The following MCF2L variants were observed in gnomAD, a reference collection of about 807,000 sequenced individuals.
The protein encoded by MCF2L is MCF.2 cell line derived transforming sequence like.
In MCF2L, 97 loss-of-function variants were observed where a neutral mutation model predicts 153.4. The ratio of observed to expected loss-of-function variants is 0.63; its 90% CI spans 0.54 to 0.75. MCF2L has a LOEUF of 0.75. MCF2L is among the 30% of genes least tolerant of loss of function. The probability of loss-of-function intolerance (pLI) is 0.00; values close to 1 mark genes in which losing one functional copy is unlikely to be tolerated. For synonymous variants in MCF2L, 659 were observed against 632.2 expected, an observed-to-expected ratio of 1.04 and a Z score of -0.64; for missense variants, 1,347 against 1,495.2, an observed-to-expected ratio of 0.90 and a Z score of 1.64.
At chr13:112,938,913 C>G (rs1054987479) in intron 2 of MCF2L, among the ~76,000 whole-genome samples, 10 of 152,106 alleles carry the variant, frequency 6.6e-5, no homozygotes, top group Non-Finnish European at 1.5e-4. Context: ...TGCCTTGCCA[C>G]GCGGGGGCCA....
chr13:112,968,506 C>T (rs2081936567), upstream of MCF2L: 5 of 1,581,082 alleles, frequency 3.2e-6, no homozygotes, highest in Non-Finnish European at 4.3e-6. Context: ...CGCGCGCTTC[C>T]CTCACTGGGT....
chr13:113,019,653 A>G (rs1418473417), intron 2 of MCF2L, among the ~76,000 whole-genome samples: 2 of 152,190 alleles, frequency 1.3e-5, no homozygotes, highest in African/African-American at 4.8e-5. Flanking sequence ...ACCAGTTGCT[A>G]TAGGATAAAT....
At chr13:112,980,828 GC>G (rs1171482137) in intron 1 of MCF2L, among the ~76,000 whole-genome samples, 1 of 152,212 alleles carries the variant, frequency 6.6e-6, no homozygotes, top group Non-Finnish European at 1.5e-5. Flanking sequence ...TGTGAGGGAG[GC>G]AGCCAGGGGC....
At chr13:113,021,488 C>T (rs9577198) in intron 2 of MCF2L, among the ~76,000 whole-genome samples, 27,683 of 152,078 alleles carry the variant, frequency 0.18, 2,693 homozygotes, top group East Asian at 0.29. Context: ...GGTTTTTGGA[C>T]GTGGGTGGGG....
chr13:113,051,245 C>CG (rs2087296918), intron 4 of MCF2L, among the ~76,000 whole-genome samples: 1 of 152,078 alleles, frequency 6.6e-6, no homozygotes, highest in Non-Finnish European at 1.5e-5. Context: ...AGCTGGGCTT[C>CG]GGGGCGACGA....
intron 2 of MCF2L, among the ~76,000 whole-genome samples, chr13:112,963,509 G>C (rs76720721): frequency 0.021 from 3,211 of 152,244 alleles, 111 homozygotes; most frequent in African/African-American, 0.072. Flanking sequence ...CTGTCAGCAA[G>C]GGCCCTCAGG....
chr13:112,970,657 C>G (rs1223570615), intron 1 of MCF2L, among the ~76,000 whole-genome samples: 1 of 152,076 alleles, frequency 6.6e-6, no homozygotes, highest in Non-Finnish European at 1.5e-5. Context: ...GCCCCCCTTG[C>G]TCTGCATGCC....
At chr13:112,976,560 C>T (rs936846176) in intron 1 of MCF2L, among the ~76,000 whole-genome samples, 3 of 152,170 alleles carry the variant, frequency 2.0e-5, no homozygotes, top group Admixed American at 6.5e-5. Context: ...AAGGCTGTGG[C>T]GGACGGCAGT....
At chr13:113,014,649 C>T (rs1261559523) in intron 1 of MCF2L, 114 bp from the exon 2 acceptor site, 29 of 768,048 alleles carry the variant, frequency 3.8e-5, no homozygotes, top group Non-Finnish European at 4.8e-5. Context: ...AGCCACGTGA[C>T]GCCACTCCCG....
chr13:112,961,853 C>T (rs2081830646), intron 2 of MCF2L, among the ~76,000 whole-genome samples: 2 of 152,208 alleles, frequency 1.3e-5, no homozygotes, highest in African/African-American at 4.8e-5. Flanking sequence ...GAGGGGCCTC[C>T]TGCCTTGCTG....
In MCF2L at chr13:113,045,657, G is replaced by A. The variant is rs948850625; in HGVS notation, c.369+296G>A. ...TCCGAACACCAAGTCTGAGATGCTCGGGACTGAATATGCCTCTTACATATT... is the reference window on the plus strand; with the variant it reads ...TCCGAACACCAAGTCTGAGATGCTCAGGACTGAATATGCCTCTTACATATT... On this transcript the variant is annotated intron_variant, in intron 4 of 29. Coordinates refer to ENST00000535094, the MANE Select transcript of MCF2L (RefSeq NM_001112732.3). The surrounding 1 kb of genome is among the most constrained non-coding windows in gnomAD (Gnocchi z 4.2). 18 of 482,100 alleles carry A rather than the reference G, an allele frequency of 3.7e-5. No individual in the cohort carries two copies. The highest frequency in any genetic ancestry group is 5.8e-5 in the African/African-American group (3 of 52,004). 29.9% of individuals were successfully genotyped at this position (482,100 alleles called of 1,614,324 possible). A position where few individuals can be genotyped will look rare whatever the true frequency, so the allele number is the denominator to read the frequency against.
chr13:112,963,450 G>A (rs1381535692), intron 2 of MCF2L, among the ~76,000 whole-genome samples: 2 of 152,154 alleles, frequency 1.3e-5, no homozygotes, highest in Non-Finnish European at 2.9e-5. Context: ...TGGCTAGGAG[G>A]GAATGACTTG....
chr13:112,953,423 T>C (rs1357813826), intron 2 of MCF2L, among the ~76,000 whole-genome samples: 2 of 152,192 alleles, frequency 1.3e-5, no homozygotes, highest in African/African-American at 4.8e-5. Flanking sequence ...TCACTGGTGC[T>C]GAATTGATAT....
At chr13:113,039,946 T>C (rs1036957208) in intron 3 of MCF2L, among the ~76,000 whole-genome samples, 15 of 152,220 alleles carry the variant, frequency 9.9e-5, no homozygotes, top group African/African-American at 3.4e-4. Context: ...AAGAAGCTCA[T>C]TGTCTTATGT....
chr13:112,941,480 C>T lies in MCF2L; in HGVS notation c.169+39109C>T, dbSNP rs1440343407. On this transcript the variant is annotated intron_variant, in intron 2 of 29. Coordinates refer to the MCF2L transcript ENST00000375608. The surrounding 1 kb of genome is among the most constrained non-coding windows in gnomAD (Gnocchi z 4.9). ...AAAATGTAAATCTATTAGTATTGAGCACACTGTGTGTGGAGCATCCTGAGT... is the reference window on the plus strand; with the variant it reads ...AAAATGTAAATCTATTAGTATTGAGTACACTGTGTGTGGAGCATCCTGAGT... Among the ~76,000 whole-genome samples, 13 of 151,980 alleles carry T rather than the reference C, an allele frequency of 8.6e-5. No homozygotes were observed. Among genetic ancestry groups the T allele is most frequent in the East Asian group, 3.9e-4 (2 of 5,180 alleles).
At chr13:112,953,846 G>C (rs900554602) in intron 2 of MCF2L, among the ~76,000 whole-genome samples, 2 of 152,218 alleles carry the variant, frequency 1.3e-5, no homozygotes, top group Non-Finnish European at 2.9e-5. Flanking sequence ...AGACGGCAAA[G>C]GCAGGGAAGA....
intron 3 of MCF2L, chr13:113,024,997 C>T (rs1387253479): frequency 6.1e-5 from 20 of 327,992 alleles, no homozygotes; most frequent in African/African-American, 3.8e-4. Flanking sequence ...GTGGGGTCCC[C>T]GTGACTGTGG....
intron 1 of MCF2L, chr13:113,010,115 A>ACCCC (rs150598250): frequency 9.5e-5 from 9 of 94,834 alleles, no homozygotes; most frequent in African/African-American, 1.6e-4. Context: ...CACCCCCCAT[A>ACCCC]CCCCCCCCAC....
intron 2 of MCF2L, among the ~76,000 whole-genome samples, chr13:112,938,999 T>C (rs999523158): frequency 4.6e-5 from 7 of 152,144 alleles, no homozygotes; most frequent in African/African-American, 1.7e-4. Flanking sequence ...CTGCCCCAAG[T>C]CCCTCTTGCA....
Sources: allele counts gnomAD v4.1 joint callset (sites outside exome capture counted in the v4.1 genomes callset), GRCh38; gene constraint gnomAD v4.1.1; non-coding constraint Gnocchi (gnomAD v3.1); transcripts MANE v1.5; gene names NCBI Gene and HGNC (gene_info 2026-07-23, HGNC 2026-07-21).